NHLRC2: variants seen among roughly 807,000 people sequenced by gnomAD.
The protein encoded by NHLRC2 is NHL repeat-containing protein 2.
A neutral mutation model predicts 68.1 loss-of-function variants in NHLRC2; 33 were observed. That is an observed-to-expected ratio of 0.48 (90% CI 0.37 to 0.65). NHLRC2 has a LOEUF of 0.65. Among genes scored for constraint, NHLRC2 ranks in the 30% least tolerant of loss-of-function variants. The probability of loss-of-function intolerance (pLI) is 0.00; values close to 1 mark genes in which losing one functional copy is unlikely to be tolerated. For synonymous variants in NHLRC2, 311 were observed against 309.6 expected, an observed-to-expected ratio of 1.00 and a Z score of -0.05; for missense variants, 761 against 853.8, an observed-to-expected ratio of 0.89 and a Z score of 1.35.
At chr10:113,863,488 T>G (rs935349195) in intron 2 of NHLRC2, among the ~76,000 whole-genome samples, 1 of 152,136 alleles carries the variant, frequency 6.6e-6, no homozygotes, top group African/African-American at 2.4e-5. Flanking sequence ...AATTTATGGT[T>G]ATAAATGCTT....
At chr10:113,896,548 G>C (rs1846179583) in intron 5 of NHLRC2, among the ~76,000 whole-genome samples, 1 of 151,058 alleles carries the variant, frequency 6.6e-6, no homozygotes, top group African/African-American at 2.4e-5. Flanking sequence ...GATAGCATTG[G>C]GAGATATACC....
chr10:113,858,010 A>G (rs1234893288), intron 1 of NHLRC2, among the ~76,000 whole-genome samples: 1 of 140,256 alleles, frequency 7.1e-6, no homozygotes, highest in Non-Finnish European at 1.6e-5. Context: ...CTAATTGTTT[A>G]TGTAATTAGG....
intron 2 of NHLRC2, among the ~76,000 whole-genome samples, chr10:113,869,592 G>A (rs1845903205): frequency 6.6e-6 from 1 of 151,858 alleles, no homozygotes; most frequent in African/African-American, 2.4e-5. Flanking sequence ...TCTCTCCCTG[G>A]AATCTCCTTC....
rs1401249054 is a variant in NHLRC2 at position 113,911,510 on chromosome 10, G to T, written c.*2974G>T. On this transcript the variant is annotated 3_prime_UTR_variant, in exon 11 of 11. Coordinates refer to ENST00000369301, the MANE Select transcript of NHLRC2 (RefSeq NM_198514.4). ...AATTTACTATGTGTATATTTATATA[G>T]GTGTGTGTATACACAAAGATTAAGA... 6.6e-6 allele frequency: 1 copy of T among 151,944 alleles called. No individual in the cohort carries two copies. Among genetic ancestry groups the T allele is most frequent in the East Asian group, 1.9e-4 (1 of 5,196 alleles). The allele number at this position is 151,944 out of a possible 1,614,324, so 9.4% of individuals were successfully genotyped here.
At chr10:113,893,462 G>C (rs749130586) in intron 5 of NHLRC2, among the ~76,000 whole-genome samples, 11 of 152,162 alleles carry the variant, frequency 7.2e-5, no homozygotes, top group Admixed American at 2.0e-4. Flanking sequence ...AATAAGACTT[G>C]TTAAGGTTGT....
chr10:113,858,571 G>A lies in NHLRC2; in HGVS notation c.222G>A (p.Lys74=). The A allele has an allele frequency of 6.2e-7, 1 of 1,609,524 alleles. No homozygotes were observed. The highest frequency in any genetic ancestry group is 1.7e-4 in the Middle Eastern group (1 of 6,056). The change falls in exon 2 of 11, where the codon AAG becomes AAA. Residue 74 remains lysine (K), a synonymous_variant. Transcript: ENST00000369301. ...LNTEEPISVY[K]DLCGKIVVLD... ...CAGAAGAACCTATTTCTGTCTACAA[G>A]GATCTATGTGGAAAAATAGTCGTCC...
chr10:113,912,221 T>C lies in NHLRC2; in HGVS notation c.*3685T>C, dbSNP rs1846336641. On this transcript the variant is annotated 3_prime_UTR_variant, in exon 11 of 11. Transcript: ENST00000369301. ...ACCTGCCTCATATTCAATGAAATAT[T>C]GTGTGTACAGCACTTAGTAATTAAT... 1 of 151,366 alleles carries C rather than the reference T, an allele frequency of 6.6e-6. No individual in the cohort carries two copies. The highest frequency in any genetic ancestry group is 1.5e-5 in the Non-Finnish European group (1 of 68,020). 9.4% of individuals were successfully genotyped at this position (151,366 alleles called of 1,614,324 possible).
At chr10:113,906,994 A>T (rs2134742750) in intron 10 of NHLRC2, among the ~76,000 whole-genome samples, 1 of 152,358 alleles carries the variant, frequency 6.6e-6, no homozygotes, top group East Asian at 1.9e-4. Context: ...CTCAAAAAAT[A>T]ATAAATAAAA....
In NHLRC2 at chr10:113,912,604, T is replaced by C. The variant is rs1185610729; in HGVS notation, c.*4068T>C. On this transcript the variant is annotated 3_prime_UTR_variant, in exon 11 of 11. Coordinates refer to ENST00000369301, the MANE Select transcript of NHLRC2 (RefSeq NM_198514.4). ...CCAACAACCTGCACCAGAGTACTTA[T>C]ATCTTAACCAAAAAGTTTCACTTCA... 1 of 152,196 alleles carries C rather than the reference T, an allele frequency of 6.6e-6. No individual in the cohort carries two copies. The highest frequency in any genetic ancestry group is 1.5e-5 in the Non-Finnish European group (1 of 68,042). The allele number at this position is 152,196 out of a possible 1,614,324, so 9.4% of individuals were successfully genotyped here.
At chr10:113,889,994 C>T (rs980928758) in intron 5 of NHLRC2, among the ~76,000 whole-genome samples, 6 of 152,158 alleles carry the variant, frequency 3.9e-5, no homozygotes, top group African/African-American at 7.2e-5. Flanking sequence ...CCTCCATAAA[C>T]GTTTGTGCAC....
In NHLRC2 at chr10:113,900,848, G is replaced by A. The variant is rs539282965; in HGVS notation, c.1140-818G>A. On this transcript the variant is annotated intron_variant, in intron 6 of 10. Coordinates refer to ENST00000369301, the MANE Select transcript of NHLRC2 (RefSeq NM_198514.4). ...TGATGGTGAGTTCAGACTTTTGCAT[G>A]TTGTACCATATTCAGAAATGATTTA... is the stretch of plus-strand genomic sequence containing the variant. Among the ~76,000 whole-genome samples the A allele has an allele frequency of 7.9e-5, 12 of 152,214 alleles. No homozygotes were observed. The South Asian group carries it at 2.5e-3, about 32-fold the overall frequency.
At chr10:113,877,023 A>T in intron 3 of NHLRC2, 47 bp downstream of exon 3, 1 of 1,111,322 alleles carries the variant, frequency 9.0e-7, no homozygotes, top group Non-Finnish European at 1.3e-6. Flanking sequence ...TTACAGTAAA[A>T]AAATAGTTCA....
Position 113,914,924 on chromosome 10 carries a change from T to C in NHLRC2, c.*6388T>C, listed in dbSNP as rs778563981. 4 of 453,262 alleles carry C rather than the reference T, an allele frequency of 8.8e-6. No homozygotes were observed. The highest frequency in any genetic ancestry group is 1.3e-5 in the Non-Finnish European group (3 of 225,972). The allele number at this position is 453,262 out of a possible 1,614,324, so 28.1% of individuals were successfully genotyped here. ...GCTAACAAACCCTGGCCCCTTTACA[T>C]ATGAGCTCTGGAGGTTCGCCTGGCT... is the stretch of plus-strand genomic sequence containing the variant. On this transcript the variant is annotated 3_prime_UTR_variant, in exon 11 of 11. Coordinates refer to ENST00000369301, the MANE Select transcript of NHLRC2 (RefSeq NM_198514.4).
chr10:113,891,776 T>C (rs1416596164), intron 5 of NHLRC2, among the ~76,000 whole-genome samples: 2 of 152,120 alleles, frequency 1.3e-5, no homozygotes, highest in Non-Finnish European at 2.9e-5. Flanking sequence ...GTGTTGTGTA[T>C]GGGGATGTTC....
chr10:113,872,765 A>G (rs1452479552), intron 2 of NHLRC2, among the ~76,000 whole-genome samples: 1 of 151,638 alleles, frequency 6.6e-6, no homozygotes, highest in African/African-American at 2.4e-5. Flanking sequence ...ATGAGCTAAA[A>G]AAAAAAAAAA....
rs1333392237 is a variant in NHLRC2, at chr10:113,874,436, ATGTGTTTGTGTGTGTGTG to A, written c.332-2079_332-2062del. 6.9e-3 allele frequency among the ~76,000 whole-genome samples: 746 copies of A among 108,642 alleles called. 8 individuals are homozygous for A. The highest frequency in any genetic ancestry group is 0.024 in the African/African-American group (667 of 28,276). 71.3% of individuals were successfully genotyped at this position (108,642 alleles called of 152,430 possible). ...CTTTTTTCCCAGCTGCTTTCAAGGC[ATGTGTTTGTGTGTGTGTG>A]TGTGTGTGTGTGTGTGTGTGTGTGT... On this transcript the variant is annotated intron_variant, in intron 2 of 10. Coordinates refer to ENST00000369301, the MANE Select transcript of NHLRC2 (RefSeq NM_198514.4).
chr10:113,865,349 C>T (rs1170217293), intron 2 of NHLRC2, among the ~76,000 whole-genome samples: 1 of 139,632 alleles, frequency 7.2e-6, no homozygotes, highest in Non-Finnish European at 1.5e-5. Context: ...GTATGATTTG[C>T]TGGCCCAATA....
At chr10:113,879,416 C>G (rs1383034243) in intron 3 of NHLRC2, among the ~76,000 whole-genome samples, 158 bp from the exon 4 acceptor site, 1 of 152,136 alleles carries the variant, frequency 6.6e-6, no homozygotes, top group East Asian at 1.9e-4. Flanking sequence ...TAGCAAAACT[C>G]ACTCTTAAGA....
intron 2 of NHLRC2, among the ~76,000 whole-genome samples, chr10:113,869,000 A>G (rs781072488): frequency 1.3e-5 from 2 of 152,156 alleles, no homozygotes; most frequent in Admixed American, 6.5e-5. Flanking sequence ...GAGATTTGTT[A>G]TACTAGGAAC....
Sources: allele counts gnomAD v4.1 joint callset (sites outside exome capture counted in the v4.1 genomes callset), GRCh38; gene constraint gnomAD v4.1.1; transcripts MANE v1.5; gene names NCBI Gene and HGNC (gene_info 2026-07-23, HGNC 2026-07-21).